PCDHGA9: variants seen among roughly 807,000 people sequenced by gnomAD.
PCDHGA9 encodes the protein protocadherin gamma subfamily A, 9, also known as protocadherin gamma-A9.
A neutral mutation model predicts 62.5 loss-of-function variants in PCDHGA9; 37 were observed. The observed-to-expected ratio is 0.59, with a 90% CI of 0.46 to 0.78. The LOEUF (loss-of-function observed/expected upper bound fraction) is 0.78. Ranked by LOEUF, PCDHGA9 falls within the 30% of genes least tolerant of loss-of-function variation. PCDHGA9 has a pLI of 0.00. For synonymous variants in PCDHGA9, 459 were observed against 484.6 expected, an observed-to-expected ratio of 0.95 and a Z score of 0.69; for missense variants, 1,138 against 1,166.2, an observed-to-expected ratio of 0.98 and a Z score of 0.35.
intron 1 of PCDHGA9, chr5:141,422,819 TGAGA>T (rs766395950): frequency 6.2e-7 from 1 of 1,614,188 alleles, no homozygotes; most frequent in African/African-American, 1.3e-5. Flanking sequence ...GACTTAGAAC[TGAGA>T]GTGATAGCAC....
Position 141,477,350 on chromosome 5 carries a change from A to G in PCDHGA9, c.2425-17457A>G. The G allele has an allele frequency of 6.2e-7, 1 of 1,614,142 alleles. No individual in the cohort carries two copies. Among genetic ancestry groups the G allele is most frequent in the Non-Finnish European group, 8.5e-7 (1 of 1,180,016 alleles). On this transcript the variant is annotated intron_variant, in intron 1 of 3. Transcript: ENST00000573521. The surrounding 1 kb of genome is among the most constrained non-coding windows in gnomAD (Gnocchi z 4.9). ...CAAGAATTACTTCACTTTGAAAACC[A>G]GTGCAGACCTGGATCGGGAGACTGT...
intron 1 of PCDHGA9, chr5:141,422,772 C>A: frequency 6.2e-7 from 1 of 1,613,922 alleles, no homozygotes. Flanking sequence ...CTGGTGTTCT[C>A]TATGCCCTAC....
Position 141,431,706 on chromosome 5 carries a change from AG to A in PCDHGA9, c.2424+26331del. The A allele has an allele frequency of 6.2e-7, 1 of 1,614,248 alleles. No homozygotes were observed. The highest frequency in any genetic ancestry group is 8.5e-7 in the Non-Finnish European group (1 of 1,180,048). ...GACCACGAGGAGTCAGGATTCTACC[AG>A]ATGGAAGTGCAAGCAATGGATAATG... On this transcript the variant is annotated intron_variant, in intron 1 of 3. Coordinates refer to ENST00000573521, the MANE Select transcript of PCDHGA9 (RefSeq NM_018921.3). This position sits in a 1 kb window ranked among gnomAD's most constrained non-coding sequence, Gnocchi z 4.8.
At chr5:141,478,425 A>G (rs1454100826) in intron 1 of PCDHGA9, 1 of 1,613,542 alleles carries the variant, frequency 6.2e-7, no homozygotes, top group African/African-American at 1.3e-5. Context: ...CGCCGCAGCG[A>G]CCCGCTGCTG....
rs2097721634 is a variant in PCDHGA9, at chr5:141,434,835, A to G, written c.2424+29459A>G. On this transcript the variant is annotated intron_variant, in intron 1 of 3. Coordinates refer to ENST00000573521, the MANE Select transcript of PCDHGA9 (RefSeq NM_018921.3). ...ATATCCCTTAGTACACTTGGCATTT[A>G]TAAAGCAGACATCAATAAATTTATA... 2.0e-5 allele frequency among the ~76,000 whole-genome samples: 3 copies of G among 151,972 alleles called. 1 individual carries two copies. In the South Asian group the frequency reaches 6.2e-4, roughly 32 times the overall value.
Position 141,476,019 on chromosome 5 carries a change from C to T in PCDHGA9, c.2425-18788C>T, listed in dbSNP as rs964061075. The T allele has an allele frequency of 3.9e-5, 54 of 1,390,282 alleles. 1 individual carries two copies. Among genetic ancestry groups the T allele is most frequent in the Non-Finnish European group, 4.9e-5 (51 of 1,034,212 alleles). 86.1% of individuals were successfully genotyped at this position (1,390,282 alleles called of 1,614,324 possible). A position where few individuals can be genotyped will look rare whatever the true frequency, so the allele number is the denominator to read the frequency against. Reference sequence around the variant, plus strand: ...ACGGCATCCAGAAAGCCATGTCGGACTCGGCGCCCAGCGCCCAAGCGCTAA... The same window carrying T: ...ACGGCATCCAGAAAGCCATGTCGGATTCGGCGCCCAGCGCCCAAGCGCTAA... On this transcript the variant is annotated intron_variant, in intron 1 of 3. Transcript: ENST00000573521. This position sits in a 1 kb window ranked among gnomAD's most constrained non-coding sequence, Gnocchi z 7.6.
intron 1 of PCDHGA9, among the ~76,000 whole-genome samples, chr5:141,455,130 A>G (rs1446894125): frequency 6.6e-6 from 1 of 150,872 alleles, no homozygotes; most frequent in South Asian, 2.1e-4. Flanking sequence ...GTTTTAAATT[A>G]CACTGTGTTA....
intron 1 of PCDHGA9, chr5:141,428,279 C>A: frequency 2.7e-6 from 2 of 753,232 alleles, no homozygotes; most frequent in South Asian, 3.0e-5. Context: ...CCCTCTGATT[C>A]CCAAGCAAAG....
chr5:141,415,499 C>G (rs2095876120), intron 1 of PCDHGA9: 1 of 1,614,098 alleles, frequency 6.2e-7, no homozygotes, highest in Non-Finnish European at 8.5e-7. Context: ...CTGATCTTCC[C>G]CCAGCCCAAT....
rs2094545529 is a variant in PCDHGA9 at position 141,404,600 on chromosome 5, CTG to C, written c.1650_1651del (p.Phe551CysfsTer6). The C allele has an allele frequency of 1.2e-6, 2 of 1,613,938 alleles. No individual in the cohort carries two copies. Among genetic ancestry groups the C allele is most frequent in the Non-Finnish European group, 1.7e-6 (2 of 1,179,924 alleles). On this transcript the variant is annotated frameshift_variant, in exon 1 of 4. Transcript: ENST00000573521. LOFTEE classifies it high-confidence loss of function. ...PPLSSNVSLR[L>X]FVLDQNDNAP... is the part of the protein sequence containing the mutation. ...ACTTAGCAGCAATGTGTCATTGAGA[CTG>C]TTTGTTTTGGACCAGAATGACAATG...
At chr5:141,492,601 C>T (rs1374321466) in intron 1 of PCDHGA9, among the ~76,000 whole-genome samples, 2 of 152,220 alleles carry the variant, frequency 1.3e-5, no homozygotes, top group East Asian at 3.9e-4. Context: ...GGAGCGACTG[C>T]CGCTCTAAGT....
chr5:141,450,006 C>CTTTT (rs1554136305), intron 1 of PCDHGA9, among the ~76,000 whole-genome samples: 4 of 132,984 alleles, frequency 3.0e-5, no homozygotes, highest in South Asian at 2.3e-4. Flanking sequence ...TGCCATGTCT[C>CTTTT]TTTTTTTTTT....
At chr5:141,507,611 A>G (rs2099862056) in intron 3 of PCDHGA9, among the ~76,000 whole-genome samples, 1 of 152,258 alleles carries the variant, frequency 6.6e-6, no homozygotes, top group South Asian at 2.1e-4. Flanking sequence ...AAACAGGTAT[A>G]TTTAGCTGTT....
intron 1 of PCDHGA9, chr5:141,478,619 A>G: frequency 6.4e-7 from 1 of 1,555,598 alleles, no homozygotes; most frequent in Non-Finnish European, 8.7e-7. Context: ...GAAGGAATGG[A>G]GCTGTTTTTT....
In PCDHGA9 at chr5:141,454,796, ATTTTT is replaced by A. The variant is rs61612330; in HGVS notation, c.2425-39986_2425-39982del. Among the ~76,000 whole-genome samples the A allele has an allele frequency of 4.9e-3, 378 of 77,354 alleles. 2 individuals carry two copies. Among genetic ancestry groups the A allele is most frequent in the Admixed American group, 9.2e-3 (51 of 5,544 alleles). 50.7% of individuals were successfully genotyped at this position (77,354 alleles called of 152,430 possible). On this transcript the variant is annotated intron_variant, in intron 1 of 3. Coordinates refer to ENST00000573521, the MANE Select transcript of PCDHGA9 (RefSeq NM_018921.3). ...AAGGAAATAATCCTCCATGGTTCTA[ATTTTT>A]TTTTTTTTTTTTTTTTTTTTTTTTG...
At chr5:141,468,783 G>A (rs908838744) in intron 1 of PCDHGA9, among the ~76,000 whole-genome samples, 7 of 151,460 alleles carry the variant, frequency 4.6e-5, no homozygotes, top group South Asian at 2.1e-4. Context: ...GGAGAATGGC[G>A]TGAACCCGGG....
At chr5:141,442,403 G>A (rs1042068651) in intron 1 of PCDHGA9, 2 of 152,168 alleles carry the variant, frequency 1.3e-5, no homozygotes, top group African/African-American at 4.8e-5. Context: ...TACGAATCCA[G>A]GGCTGAGTGA....
Position 141,491,743 on chromosome 5 carries a change from A to G in PCDHGA9, c.2425-3064A>G, listed in dbSNP as rs752434173. ...GCCCCGGGCGACCCCTGGGGGCGGC[A>G]CTGGAGAAGCCGCCCGTCCTCATAA... On this transcript the variant is annotated intron_variant, in intron 1 of 3. Transcript: ENST00000573521. The surrounding 1 kb of genome is among the most constrained non-coding windows in gnomAD (Gnocchi z 6.9). 5.0e-6 allele frequency: 8 copies of G among 1,595,570 alleles called. No individual in the cohort carries two copies. In the Admixed American group the frequency reaches 1.4e-4, roughly 28 times the overall value.
chr5:141,491,932 G>A lies in PCDHGA9; in HGVS notation c.2425-2875G>A. Reference sequence around the variant, plus strand: ...GGCGACTGTGGGCGAGGGGAGGTGGGACCGACCCCCACCCCTACACTCAAA... The same window carrying A: ...GGCGACTGTGGGCGAGGGGAGGTGGAACCGACCCCCACCCCTACACTCAAA... On this transcript the variant is annotated intron_variant, in intron 1 of 3. Transcript: ENST00000573521. This position sits in a 1 kb window ranked among gnomAD's most constrained non-coding sequence, Gnocchi z 6.9. 1 of 1,259,014 alleles carries A rather than the reference G, an allele frequency of 7.9e-7. No homozygotes were observed. The highest frequency in any genetic ancestry group is 1.1e-6 in the Non-Finnish European group (1 of 926,048). The allele number at this position is 1,259,014 out of a possible 1,614,324, so 78.0% of individuals were successfully genotyped here. A position where few individuals can be genotyped will look rare whatever the true frequency, so the allele number is the denominator to read the frequency against.
Sources: allele counts gnomAD v4.1 joint callset (sites outside exome capture counted in the v4.1 genomes callset), GRCh38; gene constraint gnomAD v4.1.1; non-coding constraint Gnocchi (gnomAD v3.1); transcripts MANE v1.5; gene names NCBI Gene and HGNC (gene_info 2026-07-23, HGNC 2026-07-21).